BMP5: variants seen among roughly 807,000 people sequenced by gnomAD.
BMP5 encodes bone morphogenetic protein 5.
In BMP5, 23 loss-of-function variants were observed where a neutral mutation model predicts 46.6. The observed-to-expected ratio is 0.49, with a 90% CI of 0.35 to 0.70. The LOEUF is 0.70. BMP5 is among the 30% of genes least tolerant of loss of function. The pLI is 0.00. For missense variants in BMP5, 545 were observed against 565.6 expected (o/e 0.96, Z 0.37); for synonymous variants, 204 against 191.9 (o/e 1.06, Z -0.52).
chr6:55,870,828 T>C (rs1777768926), intron 1 of BMP5, among the ~76,000 whole-genome samples: 1 of 152,124 alleles, frequency 6.6e-6, no homozygotes, highest in Non-Finnish European at 1.5e-5. Context: ...TAAATATGTT[T>C]TTATATTTAA....
chr6:55,866,300 T>C (rs929011342), intron 1 of BMP5, among the ~76,000 whole-genome samples: 14 of 152,164 alleles, frequency 9.2e-5, no homozygotes, highest in Admixed American at 3.3e-4. Flanking sequence ...TTATGAGAAC[T>C]AAATAGCTGA....
intron 4 of BMP5, among the ~76,000 whole-genome samples, chr6:55,768,785 A>G (rs553276437): frequency 6.6e-6 from 1 of 152,060 alleles, no homozygotes; most frequent in Admixed American, 6.6e-5. Context: ...TTCTTCATAC[A>G]GGCATATGTC....
chr6:55,764,883 T>G (rs1241301824), intron 4 of BMP5, among the ~76,000 whole-genome samples: 1 of 152,172 alleles, frequency 6.6e-6, no homozygotes, highest in Non-Finnish European at 1.5e-5. Context: ...TAGTGTTCGA[T>G]AATAGCACAG....
chr6:55,792,336 A>T (rs1286688890), intron 3 of BMP5, among the ~76,000 whole-genome samples: 1 of 152,104 alleles, frequency 6.6e-6, no homozygotes, highest in African/African-American at 2.4e-5. Context: ...GATCGAGACC[A>T]TCCTGGCTAA....
intron 1 of BMP5, among the ~76,000 whole-genome samples, chr6:55,847,420 A>G (rs980318456): frequency 1.8e-4 from 27 of 151,920 alleles, no homozygotes; most frequent in African/African-American, 6.5e-4. Context: ...TAATCTTACA[A>G]AGTAATGTAG....
intron 2 of BMP5, among the ~76,000 whole-genome samples, chr6:55,800,028 A>G (rs1372365328): frequency 6.6e-6 from 1 of 152,190 alleles, no homozygotes; most frequent in Non-Finnish European, 1.5e-5. Flanking sequence ...ATGCTAAAAA[A>G]CAACAACAAA....
intron 1 of BMP5, among the ~76,000 whole-genome samples, chr6:55,835,824 T>C (rs1776780715): frequency 6.6e-6 from 1 of 152,178 alleles, no homozygotes; most frequent in Non-Finnish European, 1.5e-5. Context: ...CAATTTTCTG[T>C]CAGAAACAAT....
intron 4 of BMP5, among the ~76,000 whole-genome samples, chr6:55,761,216 C>G (rs35695519): frequency 0.1 from 15,690 of 152,040 alleles, 1,005 homozygotes; most frequent in East Asian, 0.2. Flanking sequence ...TGCACCTGCT[C>G]TCACGCCCTT....
intron 1 of BMP5, among the ~76,000 whole-genome samples, chr6:55,857,560 C>T (rs1777429530): frequency 6.6e-6 from 1 of 152,040 alleles, no homozygotes; most frequent in Admixed American, 6.6e-5. Flanking sequence ...GCAAAAAGTT[C>T]CAAAACATCT....
At chr6:55,869,128 G>A (rs912090786) in intron 1 of BMP5, among the ~76,000 whole-genome samples, 1 of 152,160 alleles carries the variant, frequency 6.6e-6, no homozygotes, top group Non-Finnish European at 1.5e-5. Context: ...ATTTATGACT[G>A]TAAATGTGAG....
chr6:55,780,972 G>A (rs181913428), intron 3 of BMP5, among the ~76,000 whole-genome samples: 148 of 152,146 alleles, frequency 9.7e-4, no homozygotes, highest in African/African-American at 3.2e-3. Flanking sequence ...TTGCTGTCTC[G>A]GGCATGACAA....
At chr6:55,766,251 A>G (rs928749209) in intron 4 of BMP5, among the ~76,000 whole-genome samples, 5 of 151,488 alleles carry the variant, frequency 3.3e-5, no homozygotes, top group African/African-American at 1.2e-4. Flanking sequence ...GACATCTCTG[A>G]TTTTTTTTGG....
chr6:55,836,758 T>C (rs1372260451), intron 1 of BMP5, among the ~76,000 whole-genome samples: 3 of 152,090 alleles, frequency 2.0e-5, no homozygotes, highest in Non-Finnish European at 2.9e-5. Flanking sequence ...CTGTCAACTC[T>C]ACGTTCACAC....
At chr6:55,777,775 T>C (rs184859768) in intron 3 of BMP5, among the ~76,000 whole-genome samples, 4 of 152,124 alleles carry the variant, frequency 2.6e-5, no homozygotes, top group African/African-American at 7.2e-5. Context: ...ACAGCTTCAA[T>C]AGATGCATGT....
At position 55,796,589 on chromosome 6, in the gene BMP5, C is replaced by T. The variant is rs559468977; in HGVS notation, c.684-2162G>A. Among the ~76,000 whole-genome samples, 13 of 151,244 alleles carry T rather than the reference C, an allele frequency of 8.6e-5. No homozygotes were observed. The South Asian group carries it at 1.9e-3, about 22-fold the overall frequency. On this transcript the variant is annotated intron_variant, in intron 2 of 6. Coordinates refer to ENST00000370830, the MANE Select transcript of BMP5 (RefSeq NM_021073.4). The stretch of plus-strand genomic sequence containing the variant: ...TATGTATATATGTGCCATGCTGGTG[C>T]GCTGCACCTACCAACTCGTCATCTA...
chr6:55,767,299 T>C (rs1582047682), intron 4 of BMP5, among the ~76,000 whole-genome samples: 1 of 151,952 alleles, frequency 6.6e-6, no homozygotes, highest in Non-Finnish European at 1.5e-5. Context: ...GATGTAAGAG[T>C]TTGAACTCCT....
intron 1 of BMP5, among the ~76,000 whole-genome samples, chr6:55,844,332 T>C (rs1239034467): frequency 6.6e-6 from 1 of 152,058 alleles, no homozygotes; most frequent in Non-Finnish European, 1.5e-5. Flanking sequence ...CATTGGCAGA[T>C]TCTCTTTCCT....
At chr6:55,814,907 A>T (rs1015379189) in intron 2 of BMP5, among the ~76,000 whole-genome samples, 14 of 152,198 alleles carry the variant, frequency 9.2e-5, no homozygotes, top group Non-Finnish European at 1.8e-4. Flanking sequence ...AGGCGGGTGG[A>T]TCACCTGAGG....
At chr6:55,833,845 C>A (rs1776720648) in intron 1 of BMP5, among the ~76,000 whole-genome samples, 1 of 152,008 alleles carries the variant, frequency 6.6e-6, no homozygotes, top group African/African-American at 2.4e-5. Flanking sequence ...ATTTATAAAG[C>A]TTTGGTGTAT....
Sources: allele counts gnomAD v4.1 joint callset (sites outside exome capture counted in the v4.1 genomes callset), GRCh38; gene constraint gnomAD v4.1.1; transcripts MANE v1.5; gene names NCBI Gene and HGNC (gene_info 2026-07-23, HGNC 2026-07-21).